The following ARHGAP32 variants were observed in gnomAD, a reference collection of about 807,000 sequenced individuals.
The protein encoded by ARHGAP32 is Rho GTPase activating protein 32, also known as rho GTPase-activating protein 32.
In ARHGAP32, 51 loss-of-function variants were observed where a neutral mutation model predicts 186.5. The observed-to-expected ratio is 0.27, with a 90% CI of 0.22 to 0.35. ARHGAP32 has a LOEUF of 0.35. Ranked by LOEUF, ARHGAP32 falls within the 10% of genes least tolerant of loss-of-function variation. The probability of loss-of-function intolerance (pLI) is 1.00; values close to 1 mark genes in which losing one functional copy is unlikely to be tolerated. For missense variants in ARHGAP32, 2,186 were observed against 2,623.5 expected, an observed-to-expected ratio of 0.83 and a Z score of 3.64; for synonymous variants, 950 against 964.3, an observed-to-expected ratio of 0.99 and a Z score of 0.27.
At chr11:129,001,009 TTTTC>T (rs1355591334) in intron 11 of ARHGAP32, among the ~76,000 whole-genome samples, 1 of 151,650 alleles carries the variant, frequency 6.6e-6, no homozygotes, top group African/African-American at 2.4e-5. Flanking sequence ...ATGTACCACA[TTTTC>T]TTTATCCATT....
intron 2 of ARHGAP32, among the ~76,000 whole-genome samples, chr11:129,139,646 T>A (rs1444254128): frequency 6.6e-6 from 1 of 151,942 alleles, no homozygotes; most frequent in African/African-American, 2.4e-5. Context: ...TTATAAAGAG[T>A]TCTCCCGCAC....
chr11:129,100,421 T>C (rs955297834), intron 5 of ARHGAP32, among the ~76,000 whole-genome samples: 4 of 152,120 alleles, frequency 2.6e-5, no homozygotes, highest in Non-Finnish European at 5.9e-5. Context: ...GCCTGACCTG[T>C]GGAGAGCTGC....
chr11:129,049,511 C>A (rs1468053531), intron 10 of ARHGAP32, among the ~76,000 whole-genome samples: 2 of 152,182 alleles, frequency 1.3e-5, no homozygotes, highest in Non-Finnish European at 2.9e-5. Context: ...TTCCTTATAT[C>A]TCTTTGTAAT....
At chr11:129,081,722 T>C (rs1432894180) in intron 6 of ARHGAP32, among the ~76,000 whole-genome samples, 1 of 151,722 alleles carries the variant, frequency 6.6e-6, no homozygotes, top group Non-Finnish European at 1.5e-5. Flanking sequence ...ACCATTTCTA[T>C]TCAACATAGT....
chr11:129,053,154 T>C (rs1245099235), intron 10 of ARHGAP32, among the ~76,000 whole-genome samples: 3 of 152,130 alleles, frequency 2.0e-5, no homozygotes, highest in African/African-American at 7.2e-5. Context: ...TAAGCCTCGG[T>C]TGGTAAGACA....
At chr11:129,269,089 G>A (rs112418724) in intron 1 of ARHGAP32, among the ~76,000 whole-genome samples, 17,215 of 151,706 alleles carry the variant, frequency 0.11, 1,075 homozygotes, top group South Asian at 0.25. Flanking sequence ...TGGGCAACAC[G>A]GTGAAACCCC....
At chr11:129,036,186 C>T (rs985262639) in intron 11 of ARHGAP32, among the ~76,000 whole-genome samples, 2 of 151,920 alleles carry the variant, frequency 1.3e-5, no homozygotes, top group Non-Finnish European at 2.9e-5. Flanking sequence ...TGAGACCAGC[C>T]TGACCAACAT....
At chr11:129,216,982 G>A (rs1040587212) in intron 1 of ARHGAP32, among the ~76,000 whole-genome samples, 1 of 151,816 alleles carries the variant, frequency 6.6e-6, no homozygotes, top group African/African-American at 2.4e-5. Context: ...GGTGTGCTCT[G>A]TTTATTGAGC....
chr11:129,167,635 T>C (rs1438445853), intron 1 of ARHGAP32, among the ~76,000 whole-genome samples: 1 of 152,190 alleles, frequency 6.6e-6, no homozygotes, highest in Non-Finnish European at 1.5e-5. Flanking sequence ...ACAAATCATA[T>C]AATTCTCTAT....
At chr11:129,193,348 T>G (rs1283768912), upstream of ARHGAP32, among the ~76,000 whole-genome samples, 1 of 98,028 alleles carries the variant, frequency 1.0e-5, no homozygotes, top group Non-Finnish European at 1.9e-5. Context: ...CCAAGTGTGG[T>G]GGTGCACCCT....
At chr11:129,109,348 A>G (rs1460400176) in intron 5 of ARHGAP32, among the ~76,000 whole-genome samples, 1 of 152,032 alleles carries the variant, frequency 6.6e-6, no homozygotes, top group Non-Finnish European at 1.5e-5. Flanking sequence ...ATTGGATTCC[A>G]TATCTTTGTT....
chr11:129,136,739 G>A (rs2135417082), intron 2 of ARHGAP32, among the ~76,000 whole-genome samples: 1 of 151,996 alleles, frequency 6.6e-6, no homozygotes, highest in Admixed American at 6.6e-5. Flanking sequence ...TGAGGAAAAA[G>A]CATTAGATTA....
chr11:129,252,282 C>T (rs952250647), intron 1 of ARHGAP32, among the ~76,000 whole-genome samples: 10 of 152,212 alleles, frequency 6.6e-5, no homozygotes, highest in African/African-American at 2.2e-4. Context: ...CTCCTACTCT[C>T]GAAAACTGGG....
rs1945166850 is a variant in ARHGAP32 at position 129,250,492 on chromosome 11, TACAAC to T, written c.-5+28649_-5+28653del. Among the ~76,000 whole-genome samples the T allele has an allele frequency of 3.9e-5, 6 of 152,342 alleles. No homozygotes were observed. In the South Asian group the frequency reaches 1.2e-3, roughly 32 times the overall value. On this transcript the variant is annotated intron_variant, in intron 1 of 6. Coordinates refer to the ARHGAP32 transcript ENST00000525234. ...TGATGAATAAGGACAGCAATTTATC[TACAAC>T]ACAACTTTTAAAAAATTAATCAGGT...
intron 15 of ARHGAP32, among the ~76,000 whole-genome samples, chr11:128,984,010 C>T (rs1206357784): frequency 7.2e-6 from 1 of 139,726 alleles, no homozygotes; most frequent in Non-Finnish European, 1.6e-5. Flanking sequence ...ACTGCCAGGT[C>T]ATTATCCTGT....
intron 1 of ARHGAP32, among the ~76,000 whole-genome samples, chr11:129,176,618 C>T (rs1256060945): frequency 6.6e-6 from 1 of 150,638 alleles, no homozygotes; most frequent in East Asian, 2.0e-4. Flanking sequence ...AACTAGAACT[C>T]AGGATTAAGA....
chr11:129,178,688 G>A lies in ARHGAP32; in HGVS notation c.116+13395C>T, dbSNP rs1319149612. On this transcript the variant is annotated intron_variant, in intron 1 of 22. Coordinates refer to ENST00000682385, the MANE Select transcript of ARHGAP32 (RefSeq NM_001378024.1). Reference sequence around the variant, plus strand: ...GACAAACCTGAGAAGAACAAGCAATGGGGAAAGGATTCCCTATTTAGTAAA... The same window carrying A: ...GACAAACCTGAGAAGAACAAGCAATAGGGAAAGGATTCCCTATTTAGTAAA... Among the ~76,000 whole-genome samples the A allele has an allele frequency of 3.3e-5, 5 of 152,254 alleles. No homozygotes were observed. The South Asian group carries it at 1.0e-3, about 32-fold the overall frequency.
chr11:129,079,705 GTAT>G (rs1941165140), intron 6 of ARHGAP32, among the ~76,000 whole-genome samples: 2 of 152,096 alleles, frequency 1.3e-5, no homozygotes, highest in South Asian at 4.2e-4. Flanking sequence ...AACAAATAAG[GTAT>G]TCTGGCAACA....
chr11:129,113,478 T>C (rs565059371), intron 5 of ARHGAP32, among the ~76,000 whole-genome samples: 1 of 152,290 alleles, frequency 6.6e-6, no homozygotes, highest in Admixed American at 6.5e-5. Flanking sequence ...TTTTATAATA[T>C]ATTTGTGTAT....
Sources: allele counts gnomAD v4.1 joint callset (sites outside exome capture counted in the v4.1 genomes callset), GRCh38; gene constraint gnomAD v4.1.1; transcripts MANE v1.5; gene names NCBI Gene and HGNC (gene_info 2026-07-23, HGNC 2026-07-21).